The following LMF1 variants were observed in gnomAD, a reference collection of about 807,000 sequenced individuals.
The protein encoded by LMF1 is lipase maturation factor 1, also known as transmembrane protein 112.
A neutral mutation model predicts 60.6 loss-of-function variants in LMF1; 68 were observed. The observed-to-expected ratio is 1.12, with a 90% CI of 0.92 to 1.37. LMF1 has a LOEUF of 1.37. Ranked by LOEUF, LMF1 falls within the 40% of genes most tolerant of loss-of-function variation. LMF1 has a pLI of 0.00. For missense variants in LMF1, 948 were observed against 767.2 expected (o/e 1.24, Z -2.78); for synonymous variants, 418 against 324.7 (o/e 1.29, Z -3.09).
chr16:893,122 G>A (rs2070540086), intron 4 of LMF1, 50 bp from the exon 5 acceptor site: 7 of 1,482,180 alleles, frequency 4.7e-6, no homozygotes, highest in South Asian at 1.2e-5. Flanking sequence ...CTGGGGATGC[G>A]GCGGCCCCGA....
intron 2 of LMF1, among the ~76,000 whole-genome samples, chr16:936,148 T>G (rs1297823407): frequency 7.0e-6 from 1 of 142,416 alleles, no homozygotes; most frequent in Admixed American, 6.9e-5. Context: ...CCCCGTGGGC[T>G]GAGGAAGGTG....
intron 5 of LMF1, among the ~76,000 whole-genome samples, chr16:889,110 A>T (rs1246238677): frequency 6.6e-6 from 1 of 152,182 alleles, no homozygotes; most frequent in Non-Finnish European, 1.5e-5. Context: ...GAACTGAGTT[A>T]GCTGCAGGGC....
chr16:967,070 C>T (rs893828992), intron 1 of LMF1, among the ~76,000 whole-genome samples: 1 of 152,220 alleles, frequency 6.6e-6, no homozygotes, highest in Non-Finnish European at 1.5e-5. Context: ...GTCCTTCCCC[C>T]GTCTTGTCAG....
At position 897,090 on chromosome 16, in the gene LMF1, C is replaced by T. The variant is rs1379184229; in HGVS notation, c.664-4018G>A. ...GCCCGTGCCACCCTCCCGCTCTGCT[C>T]GGAATGCCAGAACTTTCCAGGCCCA... On this transcript the variant is annotated intron_variant, in intron 4 of 10. Transcript: ENST00000262301. The surrounding 1 kb of genome is among the most constrained non-coding windows in gnomAD (Gnocchi z 4.3). 2.0e-5 allele frequency among the ~76,000 whole-genome samples: 3 copies of T among 152,208 alleles called. No individual in the cohort carries two copies. Among genetic ancestry groups the T allele is most frequent in the South Asian group, 2.1e-4 (1 of 4,830 alleles).
upstream of LMF1, among the ~76,000 whole-genome samples, chr16:974,715 C>T (rs2073103427): frequency 6.6e-6 from 1 of 152,182 alleles, no homozygotes; most frequent in Non-Finnish European, 1.5e-5. Flanking sequence ...TGCGGGCCGG[C>T]TTCAGGGAGG....
At chr16:912,549 C>T (rs553323025) in intron 3 of LMF1, among the ~76,000 whole-genome samples, 1 of 152,312 alleles carries the variant, frequency 6.6e-6, no homozygotes, top group Non-Finnish European at 1.5e-5. Context: ...GGAGGCAGCG[C>T]GACCCTGGTC....
At chr16:919,516 C>T (rs1052144983) in intron 3 of LMF1, among the ~76,000 whole-genome samples, 2 of 67,966 alleles carry the variant, frequency 2.9e-5, no homozygotes, top group African/African-American at 2.4e-4. Flanking sequence ...ACAGGCCCCA[C>T]AGACAAGGGG....
chr16:978,040 TCA>T (rs61325853), intron 1 of LMF1, among the ~76,000 whole-genome samples: 1 of 114,720 alleles, frequency 8.7e-6, no homozygotes, highest in Non-Finnish European at 1.8e-5. Context: ...ACACCACACA[TCA>T]CACACACACA....
chr16:931,606 T>C (rs1419326778), intron 3 of LMF1: 1 of 1,281,572 alleles, frequency 7.8e-7, no homozygotes, highest in Admixed American at 2.3e-5. Flanking sequence ...GTGCCTTTGG[T>C]CTAGGTGTTC....
chr16:914,646 T>C (rs2071225228), intron 3 of LMF1, among the ~76,000 whole-genome samples: 1 of 67,466 alleles, frequency 1.5e-5, no homozygotes, highest in Non-Finnish European at 3.1e-5. Flanking sequence ...ACTCCCTCCC[T>C]CCTCATGACC....
chr16:977,150 G>A (rs1339361780), intron 1 of LMF1: 4 of 452,692 alleles, frequency 8.8e-6, no homozygotes, highest in Non-Finnish European at 1.8e-5. Context: ...GTGAGCGCCA[G>A]GAAGCTTAAG....
At chr16:875,360 T>C (rs1191894251) in intron 6 of LMF1, among the ~76,000 whole-genome samples, 1 of 152,116 alleles carries the variant, frequency 6.6e-6, no homozygotes, top group Non-Finnish European at 1.5e-5. Context: ...CCAGGGCCCG[T>C]TGGTCCAATT....
chr16:889,311 C>T (rs1381931982), intron 5 of LMF1, among the ~76,000 whole-genome samples: 4 of 152,054 alleles, frequency 2.6e-5, no homozygotes, highest in Non-Finnish European at 4.4e-5. Context: ...AACTGCCTTT[C>T]GTTACCAGCA....
intron 3 of LMF1, among the ~76,000 whole-genome samples, chr16:922,148 C>T (rs1041048516): frequency 6.6e-6 from 1 of 152,152 alleles, no homozygotes; most frequent in African/African-American, 2.4e-5. Context: ...AGAAAACTTC[C>T]AGGCAGATCG....
In LMF1 at chr16:897,114, C is replaced by G. The variant is rs569566297; in HGVS notation, c.664-4042G>C. ...TCGGAATGCCAGAACTTTCCAGGCCCATCGACGATGTTCCCGCCTTGCAAC... is the reference window on the plus strand; with the variant it reads ...TCGGAATGCCAGAACTTTCCAGGCCGATCGACGATGTTCCCGCCTTGCAAC... On this transcript the variant is annotated intron_variant, in intron 4 of 10. Transcript: ENST00000262301. The surrounding 1 kb of genome is among the most constrained non-coding windows in gnomAD (Gnocchi z 4.3). 6.6e-6 allele frequency among the ~76,000 whole-genome samples: 1 copy of G among 152,230 alleles called. No individual in the cohort carries two copies. Among genetic ancestry groups the G allele is most frequent in the East Asian group, 1.9e-4 (1 of 5,200 alleles).
At chr16:871,022 G>C in intron 7 of LMF1, 139 bp downstream of exon 7, 1 of 1,397,546 alleles carries the variant, frequency 7.2e-7, no homozygotes. Flanking sequence ...CACACACCTT[G>C]TTCCTGGCAC....
chr16:896,997 T>TA (rs369922523), intron 4 of LMF1, among the ~76,000 whole-genome samples: 232 of 145,706 alleles, frequency 1.6e-3, no homozygotes, highest in African/African-American at 4.8e-3. Context: ...AAATTAATTC[T>TA]AAAAAAAAAA....
intron 6 of LMF1, chr16:873,426 G>A (rs72759441): frequency 0.084 from 12,764 of 152,398 alleles, 674 homozygotes; most frequent in South Asian, 0.12. Context: ...AGCTTGAGGT[G>A]ATGGAATCCT....
chr16:880,836 G>A (rs2070142614), intron 5 of LMF1, among the ~76,000 whole-genome samples: 1 of 152,256 alleles, frequency 6.6e-6, no homozygotes. Context: ...TGAGCCCAGG[G>A]TGGTGGTGGG....
Sources: allele counts gnomAD v4.1 joint callset (sites outside exome capture counted in the v4.1 genomes callset), GRCh38; gene constraint gnomAD v4.1.1; non-coding constraint Gnocchi (gnomAD v3.1); transcripts MANE v1.5; gene names NCBI Gene and HGNC (gene_info 2026-07-23, HGNC 2026-07-21).